SLC16A7: variants seen among roughly 807,000 people sequenced by gnomAD.
SLC16A7 encodes the protein solute carrier family 16 member 7.
SLC16A7 carries 33 observed loss-of-function variants against 34.9 expected under a neutral mutation model. That is an observed-to-expected ratio of 0.94 (90% CI 0.72 to 1.26). The LOEUF (loss-of-function observed/expected upper bound fraction) is 1.26. Among genes scored for constraint, SLC16A7 ranks in the 50% most tolerant of loss-of-function variants. The pLI is 0.00. For missense variants in SLC16A7, 573 were observed against 578.1 expected (o/e 0.99, Z 0.09); for synonymous variants, 201 against 206.6 (o/e 0.97, Z 0.23).
At chr12:59,726,276 G>T (rs1450698738) in intron 3 of SLC16A7, among the ~76,000 whole-genome samples, 1 of 152,110 alleles carries the variant, frequency 6.6e-6, no homozygotes, top group East Asian at 1.9e-4. Flanking sequence ...GGAATATAAA[G>T]AATGGCTATT....
chr12:59,705,877 C>A (rs770520249), intron 3 of SLC16A7, among the ~76,000 whole-genome samples: 2 of 151,992 alleles, frequency 1.3e-5, no homozygotes, highest in Non-Finnish European at 2.9e-5. Context: ...TCTGTGATTT[C>A]TTATTTTTCA....
At chr12:59,735,276 T>C (rs1165824414) in intron 3 of SLC16A7, among the ~76,000 whole-genome samples, 5 of 152,214 alleles carry the variant, frequency 3.3e-5, no homozygotes, top group Admixed American at 3.3e-4. Context: ...TAACATGCTA[T>C]ATCTTTCCCA....
intron 1 of SLC16A7, among the ~76,000 whole-genome samples, chr12:59,639,697 A>T (rs1419303077): frequency 1.3e-5 from 2 of 152,142 alleles, no homozygotes; most frequent in Admixed American, 1.3e-4. Context: ...ACTACTGTTT[A>T]TCTACACATG....
intron 3 of SLC16A7, among the ~76,000 whole-genome samples, chr12:59,751,507 C>T (rs942146327): frequency 6.6e-5 from 10 of 152,322 alleles, no homozygotes; most frequent in African/African-American, 1.2e-4. Flanking sequence ...ATTGCTAGCA[C>T]GGCAGTCTGA....
At chr12:59,633,137 C>T (rs903702424) in intron 1 of SLC16A7, among the ~76,000 whole-genome samples, 1 of 151,906 alleles carries the variant, frequency 6.6e-6, no homozygotes, top group African/African-American at 2.4e-5. Context: ...CTGCCATGTG[C>T]TTGTACTTTA....
intron 1 of SLC16A7, among the ~76,000 whole-genome samples, chr12:59,606,858 ATATG>A (rs1878967670): frequency 1.4e-5 from 2 of 148,046 alleles, no homozygotes; most frequent in African/African-American, 4.9e-5. Flanking sequence ...GAATATATAT[ATATG>A]TGTGTGTGTG....
At chr12:59,710,500 G>A (rs893551036) in intron 3 of SLC16A7, among the ~76,000 whole-genome samples, 3 of 150,726 alleles carry the variant, frequency 2.0e-5, no homozygotes, top group African/African-American at 7.3e-5. Flanking sequence ...ATTATTCCAG[G>A]ACACACTTTC....
chr12:59,616,033 T>A (rs1158353805), intron 1 of SLC16A7, among the ~76,000 whole-genome samples: 1 of 152,130 alleles, frequency 6.6e-6, no homozygotes. Flanking sequence ...CATGGGAACC[T>A]AACAGTTCCC....
intron 1 of SLC16A7, among the ~76,000 whole-genome samples, chr12:59,654,466 A>G (rs913581334): frequency 7.2e-5 from 11 of 151,844 alleles, no homozygotes; most frequent in African/African-American, 2.4e-4. Flanking sequence ...GAAGTTGGAC[A>G]GAGAAATGAA....
At chr12:59,756,756 G>A (rs1330272234) in intron 3 of SLC16A7, among the ~76,000 whole-genome samples, 3 of 135,022 alleles carry the variant, frequency 2.2e-5, no homozygotes, top group African/African-American at 9.2e-5. Flanking sequence ...CCATTACTGG[G>A]TATATACCCA....
At chr12:59,737,819 A>T (rs1592607762) in intron 3 of SLC16A7, among the ~76,000 whole-genome samples, 1 of 151,884 alleles carries the variant, frequency 6.6e-6, no homozygotes. Context: ...TATCCTGTCA[A>T]CTCTTATACC....
Position 59,771,229 on chromosome 12 carries a change from T to C in SLC16A7, c.228T>C (p.Ser76=). The C allele has an allele frequency of 6.2e-7, 1 of 1,612,488 alleles. No homozygotes were observed. The highest frequency in any genetic ancestry group is 8.5e-7 in the Non-Finnish European group (1 of 1,179,206). The part of the protein sequence containing the change: ...LAVMYAGGPV[S]SVLVNKYGSR... The stretch of plus-strand genomic sequence containing the variant: ...TCCTCTCTGCTGTAGGTCCTGTAAG[T>C]AGTGTTTTGGTGAATAAATACGGCA... The change falls in exon 4 of 6, where the codon AGT becomes AGC. Residue 76 remains serine, a synonymous_variant. Coordinates refer to ENST00000547379, the MANE Select transcript of SLC16A7 (RefSeq NM_001270623.2).
In SLC16A7 at chr12:59,748,434, A is replaced by G. The variant is rs568067758; in HGVS notation, c.218-22785A>G. On this transcript the variant is annotated intron_variant, in intron 3 of 5. Coordinates refer to ENST00000547379, the MANE Select transcript of SLC16A7 (RefSeq NM_001270623.2). ...TAAAGTGTTGTGTCATGCCTAAAACATGTGTGACACTTATCTCTATGTGAG... is the reference window on the plus strand; with the variant it reads ...TAAAGTGTTGTGTCATGCCTAAAACGTGTGTGACACTTATCTCTATGTGAG... Among the ~76,000 whole-genome samples the G allele has an allele frequency of 1.2e-3, 180 of 152,264 alleles. 2 individuals carry two copies. Among genetic ancestry groups the G allele is most frequent in the African/African-American group, 4.2e-3 (173 of 41,558 alleles).
chr12:59,687,116 T>G (rs1359868710), intron 2 of SLC16A7, among the ~76,000 whole-genome samples: 1 of 151,950 alleles, frequency 6.6e-6, no homozygotes, highest in Non-Finnish European at 1.5e-5. Context: ...AATGCTAAAG[T>G]CATACTCTTG....
At chr12:59,727,644 G>A (rs566936879) in intron 3 of SLC16A7, among the ~76,000 whole-genome samples, 2 of 152,302 alleles carry the variant, frequency 1.3e-5, no homozygotes, top group South Asian at 2.1e-4. Context: ...AAAAAGTAGG[G>A]TAACTTGATA....
In SLC16A7 at chr12:59,781,282, A is replaced by G. The variant is rs1338590008; in HGVS notation, c.*1603A>G. On this transcript the variant is annotated 3_prime_UTR_variant, in exon 6 of 6. Transcript: ENST00000547379. ...ATTTATATCTATAAATCTGAAGTTT[A>G]ACATGATTAATTTAAAAAGTATTTA... is the stretch of plus-strand genomic sequence containing the variant. The G allele has an allele frequency of 6.9e-6, 1 of 144,842 alleles. No individual in the cohort carries two copies. The highest frequency in any genetic ancestry group is 1.5e-5 in the Non-Finnish European group (1 of 67,366). 9.0% of individuals were successfully genotyped at this position (144,842 alleles called of 1,614,324 possible).
At chr12:59,765,135 G>C (rs1178348278) in intron 3 of SLC16A7, among the ~76,000 whole-genome samples, 1 of 152,166 alleles carries the variant, frequency 6.6e-6, no homozygotes, top group Non-Finnish European at 1.5e-5. Context: ...GTCTTCTTTT[G>C]AGAAGTGTCT....
intron 2 of SLC16A7, among the ~76,000 whole-genome samples, chr12:59,668,506 A>G (rs1869400293): frequency 6.6e-6 from 1 of 152,104 alleles, no homozygotes. Flanking sequence ...ATTTTTTGCC[A>G]ATTTCTACAT....
At chr12:59,615,085 C>T (rs1182700757) in intron 1 of SLC16A7, among the ~76,000 whole-genome samples, 1 of 152,046 alleles carries the variant, frequency 6.6e-6, no homozygotes, top group Non-Finnish European at 1.5e-5. Context: ...CTTCTGTCTT[C>T]AGCCATTTCA....
Sources: gnomAD v4.1 joint callset for allele counts (sites outside exome capture counted in the v4.1 genomes callset) on GRCh38, gnomAD v4.1.1 for gene constraint, MANE v1.5 for transcripts, NCBI Gene and HGNC (gene_info 2026-07-23, HGNC 2026-07-21) for gene names.